Variants in PRR16 observed in about 807,000 individuals in gnomAD.
PRR16 encodes the protein proline rich 16.
A neutral mutation model predicts 18.2 loss-of-function variants in PRR16; 6 were observed. That is an observed-to-expected ratio of 0.33 (90% CI 0.18 to 0.65). PRR16 has a LOEUF of 0.65. Among genes scored for constraint, PRR16 ranks in the 30% least tolerant of loss-of-function variants. PRR16 has a pLI of 0.74. For synonymous variants in PRR16, 151 were observed against 147.8 expected (o/e 1.02, Z -0.16); for missense variants, 412 against 376.6 (o/e 1.09, Z -0.78).
At chr5:120,747,234 G>C in the PRR16 span, among the ~76,000 whole-genome samples, 2 of 152,094 alleles carry the variant, frequency 1.3e-5, no homozygotes, top group Non-Finnish European at 2.9e-5. Flanking sequence ...GGGGCTAAGG[G>C]GACAGCTGAG....
chr5:120,753,870 T>G, the PRR16 span, among the ~76,000 whole-genome samples: 1 of 126,642 alleles, frequency 7.9e-6, no homozygotes, highest in Non-Finnish European at 1.6e-5. Context: ...ATCTTATATA[T>G]TATATATTTA....
chr5:120,750,999 C>T, the PRR16 span, among the ~76,000 whole-genome samples: 11 of 152,206 alleles, frequency 7.2e-5, no homozygotes, highest in East Asian at 2.1e-3. Flanking sequence ...TCCATGAGAT[C>T]ATTTTTTTAG....
chr5:120,567,885 C>T (rs1361849737), intron 1 of PRR16, among the ~76,000 whole-genome samples: 1 of 152,136 alleles, frequency 6.6e-6, no homozygotes, highest in East Asian at 1.9e-4. Flanking sequence ...TGAGAACAGA[C>T]TAATACATAC....
chr5:120,669,570 A>C (rs1205312525), intron 1 of PRR16, among the ~76,000 whole-genome samples: 2 of 152,108 alleles, frequency 1.3e-5, no homozygotes, highest in African/African-American at 4.8e-5. Context: ...CATGTGTCCT[A>C]GAGCCCATAT....
In PRR16 at chr5:120,679,116, C is replaced by G. The variant is rs111491788; in HGVS notation, c.160-6838C>G. ...CTTGTATACATGGTTTAAAAAACCTCCTGGGATTGTCAAACACAACATCTG... is the reference window on the plus strand; with the variant it reads ...CTTGTATACATGGTTTAAAAAACCTGCTGGGATTGTCAAACACAACATCTG... On this transcript the variant is annotated intron_variant, in intron 1 of 1. Coordinates refer to ENST00000407149, the MANE Select transcript of PRR16 (RefSeq NM_001300783.2). 4.7e-3 allele frequency among the ~76,000 whole-genome samples: 721 copies of G among 152,184 alleles called. 1 individual carries two copies. Among genetic ancestry groups the G allele is most frequent in the African/African-American group, 0.017 (695 of 41,526 alleles).
chr5:120,494,260 G>T (rs1315815925), intron 1 of PRR16, among the ~76,000 whole-genome samples: 1 of 152,042 alleles, frequency 6.6e-6, no homozygotes, highest in Admixed American at 6.6e-5. Flanking sequence ...GTTTTAACTT[G>T]CATATCCCTG....
chr5:120,769,814 A>C, the PRR16 span, among the ~76,000 whole-genome samples: 4 of 151,906 alleles, frequency 2.6e-5, no homozygotes, highest in Non-Finnish European at 5.9e-5. Flanking sequence ...GTACCAATTT[A>C]CATTCCTGCC....
At chr5:120,499,491 G>GT (rs891219029) in intron 1 of PRR16, among the ~76,000 whole-genome samples, 1 of 151,822 alleles carries the variant, frequency 6.6e-6, no homozygotes, top group Non-Finnish European at 1.5e-5. Context: ...TACTTCTATT[G>GT]TTATATCTTC....
At position 120,651,505 on chromosome 5, in the gene PRR16, A is replaced by G. The variant is rs1294474901; in HGVS notation, c.160-34449A>G. Among the ~76,000 whole-genome samples the G allele has an allele frequency of 3.9e-5, 6 of 152,178 alleles. No individual in the cohort carries two copies. In the South Asian group the frequency reaches 6.2e-4, roughly 16 times the overall value. ...TAATCCATCTTGAATTAATTTTCAT[A>G]TAAGGTGTAAGGAAGGGATCCAGTT... is the stretch of plus-strand genomic sequence containing the variant. On this transcript the variant is annotated intron_variant, in intron 1 of 1. Transcript: ENST00000407149.
At chr5:120,707,545 C>T in the PRR16 span, among the ~76,000 whole-genome samples, 1 of 152,142 alleles carries the variant, frequency 6.6e-6, no homozygotes, top group Non-Finnish European at 1.5e-5. Context: ...AAACAGATGA[C>T]ATTTTAAGGC....
At chr5:120,720,353 T>A in the PRR16 span, among the ~76,000 whole-genome samples, 1 of 152,070 alleles carries the variant, frequency 6.6e-6, no homozygotes, top group Non-Finnish European at 1.5e-5. Context: ...AAATTTCCTT[T>A]TGACCCATTA....
chr5:120,689,600 C>G (rs1261616767), downstream of PRR16, among the ~76,000 whole-genome samples: 3 of 152,058 alleles, frequency 2.0e-5, no homozygotes, highest in Non-Finnish European at 4.4e-5. Flanking sequence ...ACAGAGCCAG[C>G]CTTCATACTC....
chr5:120,715,410 T>C, the PRR16 span, among the ~76,000 whole-genome samples: 1 of 152,208 alleles, frequency 6.6e-6, no homozygotes, highest in Non-Finnish European at 1.5e-5. Context: ...ACACATTCTA[T>C]TTATGGCTTA....
intron 1 of PRR16, among the ~76,000 whole-genome samples, chr5:120,551,111 C>CTATATA (rs1307367966): frequency 6.6e-6 from 1 of 151,926 alleles, no homozygotes; most frequent in Non-Finnish European, 1.5e-5. Context: ...TTATCTGTAA[C>CTATATA]TATAGTTACT....
chr5:120,519,678 A>G (rs1485445496), intron 1 of PRR16, among the ~76,000 whole-genome samples: 1 of 152,164 alleles, frequency 6.6e-6, no homozygotes, highest in Non-Finnish European at 1.5e-5. Flanking sequence ...TCAGGAAGCT[A>G]TTGTATGTCT....
intron 1 of PRR16, among the ~76,000 whole-genome samples, chr5:120,497,059 G>A (rs1750270173): frequency 6.6e-6 from 1 of 152,128 alleles, no homozygotes; most frequent in Non-Finnish European, 1.5e-5. Context: ...ATTGAAGTAA[G>A]AGAACAGACT....
intron 1 of PRR16, among the ~76,000 whole-genome samples, chr5:120,611,736 G>A (rs529521261): frequency 1.3e-5 from 2 of 152,214 alleles, no homozygotes; most frequent in African/African-American, 2.4e-5. Flanking sequence ...GGCCCACATG[G>A]AGAACCTCTG....
intron 1 of PRR16, among the ~76,000 whole-genome samples, chr5:120,502,462 C>T (rs546592273): frequency 6.6e-6 from 1 of 151,528 alleles, no homozygotes. Flanking sequence ...GTCTTTGTTA[C>T]TTCTCAGGCC....
the PRR16 span, among the ~76,000 whole-genome samples, chr5:120,743,686 T>C: frequency 2.0e-5 from 3 of 152,194 alleles, no homozygotes; most frequent in Non-Finnish European, 4.4e-5. Flanking sequence ...TACTTTTTGC[T>C]GTATTTTAGG....
Sources: allele counts gnomAD v4.1 joint callset (sites outside exome capture counted in the v4.1 genomes callset), GRCh38; gene constraint gnomAD v4.1.1; transcripts MANE v1.5; gene names NCBI Gene and HGNC (gene_info 2026-07-23, HGNC 2026-07-21).